Variants in PDE11A observed in about 807,000 individuals in gnomAD.
The protein encoded by PDE11A is dual 3',5'-cyclic-AMP and -GMP phosphodiesterase 11A.
PDE11A carries 100 observed loss-of-function variants against 100.5 expected under a neutral mutation model. The ratio of observed to expected loss-of-function variants is 1.00; its 90% CI spans 0.85 to 1.18. The LOEUF is 1.18. Among genes scored for constraint, PDE11A ranks in the 50% most tolerant of loss-of-function variants. The pLI, the probability that PDE11A is intolerant of heterozygous loss-of-function variation, is 0.00. For synonymous variants in PDE11A, 381 were observed against 420.8 expected (o/e 0.91, Z 1.16); for missense variants, 1,141 against 1,152.6 (o/e 0.99, Z 0.15).
At chr2:177,652,743 G>A (rs2080329258) in intron 19 of PDE11A, among the ~76,000 whole-genome samples, 1 of 152,094 alleles carries the variant, frequency 6.6e-6, no homozygotes, top group South Asian at 2.1e-4. Flanking sequence ...AACTAATAGA[G>A]AAGAAAAAAT....
At chr2:178,092,316 C>CA (rs1420525298) in intron 2 of PDE11A, among the ~76,000 whole-genome samples, 4 of 152,186 alleles carry the variant, frequency 2.6e-5, no homozygotes, top group Admixed American at 2.0e-4. Flanking sequence ...CCTTCCTTAG[C>CA]ATGCCAACAA....
chr2:178,076,471 G>C (rs1559064432), upstream of PDE11A, among the ~76,000 whole-genome samples: 2 of 152,210 alleles, frequency 1.3e-5, no homozygotes, highest in East Asian at 3.9e-4. Context: ...TTTGCTCATG[G>C]TTACATTGAA....
intron 9 of PDE11A, among the ~76,000 whole-genome samples, chr2:177,801,549 G>A (rs1332889510): frequency 6.6e-6 from 1 of 152,106 alleles, no homozygotes; most frequent in East Asian, 1.9e-4. Flanking sequence ...TTTTTTAAAT[G>A]CAAGAGCTCA....
intron 5 of PDE11A, among the ~76,000 whole-genome samples, chr2:177,867,764 C>T (rs923630883): frequency 6.6e-6 from 1 of 152,170 alleles, no homozygotes; most frequent in South Asian, 2.1e-4. Context: ...TTGCAGGGTA[C>T]AATCATAGTA....
rs568853797 is a variant in PDE11A, at chr2:177,869,547, G to T, written c.1367+6312C>A. ...AACTGGGAGAAGGCTCTGTTTTAAG[G>T]GTTCACATGATTACATCAGACTCAC... On this transcript the variant is annotated intron_variant, in intron 5 of 19. Coordinates refer to ENST00000286063, the MANE Select transcript of PDE11A (RefSeq NM_016953.4). Among the ~76,000 whole-genome samples, 12 of 152,164 alleles carry T rather than the reference G, an allele frequency of 7.9e-5. No individual in the cohort carries two copies. The East Asian group carries it at 2.1e-3, about 27-fold the overall frequency.
At chr2:178,017,831 G>T (rs1299871582) in intron 1 of PDE11A, among the ~76,000 whole-genome samples, 1 of 152,062 alleles carries the variant, frequency 6.6e-6, no homozygotes, top group Non-Finnish European at 1.5e-5. Flanking sequence ...GTGGTGCCAG[G>T]TGCCTGTAGT....
chr2:178,040,061 CTT>C (rs5836641), intron 1 of PDE11A, among the ~76,000 whole-genome samples: 59 of 109,702 alleles, frequency 5.4e-4, no homozygotes, highest in Non-Finnish European at 6.9e-4. Context: ...AATGTAGTGG[CTT>C]TTTTTTTTTT....
At chr2:177,936,656 C>A (rs2085276543) in intron 2 of PDE11A, among the ~76,000 whole-genome samples, 1 of 152,222 alleles carries the variant, frequency 6.6e-6, no homozygotes, top group South Asian at 2.1e-4. Flanking sequence ...TGCAGTGGCT[C>A]ACGCCTGTAA....
intron 12 of PDE11A, among the ~76,000 whole-genome samples, chr2:177,720,764 C>T (rs894187052): frequency 6.6e-6 from 1 of 152,132 alleles, no homozygotes; most frequent in Non-Finnish European, 1.5e-5. Context: ...ATTGATTTGG[C>T]ATTAATTAAC....
intron 1 of PDE11A, among the ~76,000 whole-genome samples, chr2:178,057,993 G>T (rs1320741850): frequency 6.6e-6 from 1 of 152,080 alleles, no homozygotes; most frequent in Non-Finnish European, 1.5e-5. Context: ...TAGTAGCTGG[G>T]ATTACAAGCA....
chr2:178,104,312 G>A lies in PDE11A; in HGVS notation c.152C>T (p.Thr51Ile), dbSNP rs75672043. Reference sequence around the variant, plus strand: ...ACTGCTAGTTTTTACCTTTGTTTTTGTTTGCCTCTGTATAAGAAAATCCTG... The same window carrying A: ...ACTGCTAGTTTTTACCTTTGTTTTTATTTGCCTCTGTATAAGAAAATCCTG... Residue 51 changes from threonine to isoleucine, a missense_variant, in exon 2 of 21, where the codon ACA (threonine) becomes ATA (isoleucine). By Grantham distance (89) the Thr-to-Ile change is moderately conservative. Transcript: ENST00000358450. 0.11 allele frequency: 169,826 copies of A among 1,612,882 alleles called. 9,567 individuals are homozygous for A. Among genetic ancestry groups the A allele is most frequent in the Non-Finnish European group, 0.12 (137,810 of 1,178,954 alleles).
intron 17 of PDE11A, 75 bp from the exon 18 acceptor site, chr2:177,669,642 G>T (rs1326321035): frequency 3.6e-5 from 28 of 784,208 alleles, no homozygotes; most frequent in Non-Finnish European, 5.8e-5. Context: ...TCTTGCTTAT[G>T]TATTTGGTGA....
intron 6 of PDE11A, among the ~76,000 whole-genome samples, chr2:177,831,818 C>A (rs2083313219): frequency 6.6e-6 from 1 of 152,184 alleles, no homozygotes; most frequent in South Asian, 2.1e-4. Flanking sequence ...TTATCTATTA[C>A]TTTAACTGAT....
At chr2:177,770,170 T>C (rs2082293137) in intron 9 of PDE11A, among the ~76,000 whole-genome samples, 1 of 152,198 alleles carries the variant, frequency 6.6e-6, no homozygotes, top group Non-Finnish European at 1.5e-5. Flanking sequence ...CATTGGCATA[T>C]GACTTCTTTT....
intron 2 of PDE11A, among the ~76,000 whole-genome samples, chr2:177,958,347 C>G (rs1238915826): frequency 6.6e-6 from 1 of 152,204 alleles, no homozygotes; most frequent in Non-Finnish European, 1.5e-5. Flanking sequence ...AAGAATAGTG[C>G]AAGCCCTTTG....
chr2:177,907,826 G>A (rs1409237115), intron 2 of PDE11A, among the ~76,000 whole-genome samples: 1 of 152,214 alleles, frequency 6.6e-6, no homozygotes, highest in Non-Finnish European at 1.5e-5. Flanking sequence ...AGGTTCCTCT[G>A]CTGTCATGCA....
At chr2:177,727,621 T>G in intron 12 of PDE11A, 37 bp downstream of exon 12, 6 of 1,177,752 alleles carry the variant, frequency 5.1e-6, no homozygotes, top group Non-Finnish European at 7.7e-6. Context: ...TTCCTACGAA[T>G]GAGAAATGAT....
At chr2:178,003,475 T>G (rs1342889143) in intron 2 of PDE11A, among the ~76,000 whole-genome samples, 1 of 152,134 alleles carries the variant, frequency 6.6e-6, no homozygotes, top group Non-Finnish European at 1.5e-5. Context: ...TATATGGCTC[T>G]ATTTATATGA....
chr2:177,921,805 A>T (rs1201844218), intron 2 of PDE11A: 2 of 152,210 alleles, frequency 1.3e-5, no homozygotes, highest in Non-Finnish European at 2.9e-5. Context: ...CCGTTCCTAC[A>T]GCATAAAGCT....
Sources: allele counts gnomAD v4.1 joint callset (sites outside exome capture counted in the v4.1 genomes callset), GRCh38; gene constraint gnomAD v4.1.1; transcripts MANE v1.5; gene names NCBI Gene and HGNC (gene_info 2026-07-23, HGNC 2026-07-21).